The following DOCK4 variants were observed in gnomAD, a reference collection of about 807,000 sequenced individuals.
The protein encoded by DOCK4 is dedicator of cytokinesis protein 4.
DOCK4 carries 97 observed loss-of-function variants against 268.1 expected under a neutral mutation model. The observed-to-expected ratio is 0.36, with a 90% CI of 0.31 to 0.43. DOCK4 has a LOEUF of 0.43. DOCK4 is among the 20% of genes least tolerant of loss of function. DOCK4 has a pLI of 1.00. For synonymous variants in DOCK4, 954 were observed against 887.2 expected, an observed-to-expected ratio of 1.08 and a Z score of -1.34; for missense variants, 2,145 against 2,455.7, an observed-to-expected ratio of 0.87 and a Z score of 2.67.
chr7:112,089,976 T>A (rs1181027339), intron 1 of DOCK4, among the ~76,000 whole-genome samples: 1 of 152,218 alleles, frequency 6.6e-6, no homozygotes, highest in South Asian at 2.1e-4. Flanking sequence ...AAAGCTGGCA[T>A]CAGTTTTTGC....
chr7:111,804,737 T>A (rs1800546941), intron 30 of DOCK4, among the ~76,000 whole-genome samples: 1 of 152,004 alleles, frequency 6.6e-6, no homozygotes, highest in Non-Finnish European at 1.5e-5. Flanking sequence ...GTAGCTAGGA[T>A]TACAGGCATA....
In DOCK4 at chr7:111,994,137, C is replaced by A; in HGVS notation, c.313G>T (p.Val105Leu). The change falls in exon 5 of 53, where the codon GTG (valine) becomes TTG (leucine). Residue 105 changes from valine (V) to leucine (L), a missense_variant and splice_region_variant. Around this residue, in one of 2 missense-constraint regions of DOCK4, gnomAD observed 1,598 missense variants for 1,986.7 expected, o/e 0.80. Coordinates refer to ENST00000428084, the MANE Select transcript of DOCK4 (RefSeq NM_001363540.2). The part of the protein sequence containing the change: ...DWGTMWKQLY[V>L]RNEGDLFHRL... ...GTGTCATTAAAAAGCTACTTAACCACATAGAGTTGTTTCCACATGGTTCCC... is the reference window on the plus strand; with the variant it reads ...GTGTCATTAAAAAGCTACTTAACCAAATAGAGTTGTTTCCACATGGTTCCC... 6.3e-7 allele frequency: 1 copy of A among 1,592,238 alleles called. No individual in the cohort carries two copies.
chr7:112,030,512 A>G (rs1233237705), intron 1 of DOCK4, among the ~76,000 whole-genome samples: 1 of 152,202 alleles, frequency 6.6e-6, no homozygotes. Flanking sequence ...CTTGCCTTTC[A>G]TCTTTTCTAA....
intron 1 of DOCK4, among the ~76,000 whole-genome samples, chr7:112,038,667 G>A (rs951888273): frequency 5.3e-5 from 8 of 152,100 alleles, no homozygotes; most frequent in South Asian, 2.1e-4. Context: ...CAACACCAGC[G>A]GGTCACATTT....
At chr7:111,961,599 T>C (rs1586505706) in intron 8 of DOCK4, among the ~76,000 whole-genome samples, 1 of 152,362 alleles carries the variant, frequency 6.6e-6, no homozygotes, top group Middle Eastern at 3.4e-3. Context: ...TACAAGGTAT[T>C]TTCTCTCACA....
At chr7:112,063,808 T>G (rs1405775020) in intron 1 of DOCK4, among the ~76,000 whole-genome samples, 1 of 152,218 alleles carries the variant, frequency 6.6e-6, no homozygotes, top group African/African-American at 2.4e-5. Flanking sequence ...TTTACAGTGT[T>G]GTCAGGGTAG....
intron 38 of DOCK4, among the ~76,000 whole-genome samples, chr7:111,766,372 T>C (rs961856018): frequency 6.6e-6 from 1 of 152,176 alleles, no homozygotes; most frequent in African/African-American, 2.4e-5. Context: ...CTGATGATCC[T>C]ATTTTAGAAA....
chr7:112,023,031 G>A (rs576949832), intron 1 of DOCK4, among the ~76,000 whole-genome samples: 6 of 152,024 alleles, frequency 3.9e-5, no homozygotes, highest in African/African-American at 7.2e-5. Context: ...GTTTTTCAGC[G>A]ATTCTCCTGC....
At chr7:111,934,174 G>A (rs780319892) in intron 12 of DOCK4, among the ~76,000 whole-genome samples, 2 of 152,136 alleles carry the variant, frequency 1.3e-5, no homozygotes, top group African/African-American at 2.4e-5. Context: ...ACTTTGTTTT[G>A]CTTCAATGTG....
chr7:112,128,157 T>C (rs1165921616), intron 1 of DOCK4, among the ~76,000 whole-genome samples: 1 of 152,264 alleles, frequency 6.6e-6, no homozygotes, highest in African/African-American at 2.4e-5. Flanking sequence ...TAGATTCCAG[T>C]ACTCTCCTTC....
Position 111,741,610 on chromosome 7 carries a change from G to A in DOCK4, c.4849C>T (p.Pro1617Ser). Residue 1617 changes from proline to serine, a missense_variant, in exon 46 of 53, where the codon CCT (proline) becomes TCT (serine). Transcript: ENST00000428084. ...ASPVHFPNGS[P>S]RVCRNSAPAS... The stretch of plus-strand genomic sequence containing the variant: ...GGTGCTGAGTTTCTACACACACGAG[G>A]GCTTCCATTAGGAAAATGGACAGGA... 6.2e-7 allele frequency: 1 copy of A among 1,613,594 alleles called. No homozygotes were observed. The highest frequency in any genetic ancestry group is 2.2e-5 in the East Asian group (1 of 44,866).
At chr7:111,810,182 G>A (rs554890241) in intron 28 of DOCK4, among the ~76,000 whole-genome samples, 1 of 152,202 alleles carries the variant, frequency 6.6e-6, no homozygotes, top group African/African-American at 2.4e-5. Flanking sequence ...GTCCAGGTGC[G>A]GTGGCTCATG....
chr7:112,052,786 C>T lies in DOCK4; in HGVS notation c.38-48655G>A, dbSNP rs73717948. On this transcript the variant is annotated intron_variant, in intron 1 of 52. Transcript: ENST00000428084. ...ATGTCTCTGCATTTATTTCACACTC[C>T]TCTCCAATATCATTATTAAACTCTT... Among the ~76,000 whole-genome samples, 552 of 152,272 alleles carry T rather than the reference C, an allele frequency of 3.6e-3. 1 individual carries two copies. The highest frequency in any genetic ancestry group is 0.013 in the African/African-American group (520 of 41,566).
chr7:111,929,713 T>C (rs1403904343), intron 12 of DOCK4, among the ~76,000 whole-genome samples: 1 of 152,188 alleles, frequency 6.6e-6, no homozygotes, highest in Non-Finnish European at 1.5e-5. Context: ...TCGCTATATA[T>C]TGTGGTCTCC....
chr7:111,811,725 G>C, intron 28 of DOCK4, 149 bp downstream of exon 28: 1 of 601,412 alleles, frequency 1.7e-6, no homozygotes. Context: ...TATGTGAACA[G>C]TCTTCATCTG....
At chr7:112,147,161 A>T (rs1815589078) in intron 1 of DOCK4, among the ~76,000 whole-genome samples, 1 of 152,178 alleles carries the variant, frequency 6.6e-6, no homozygotes, top group African/African-American at 2.4e-5. Context: ...CCTAATTTAG[A>T]TTACCTTCAA....
intron 17 of DOCK4, among the ~76,000 whole-genome samples, chr7:111,876,764 T>TTC (rs1562833739): frequency 6.7e-6 from 1 of 149,136 alleles, no homozygotes. Context: ...TTTTTTTTTT[T>TTC]CAAAGCATCT....
chr7:112,007,209 C>T (rs1800933077), intron 1 of DOCK4, among the ~76,000 whole-genome samples: 1 of 152,144 alleles, frequency 6.6e-6, no homozygotes, highest in South Asian at 2.1e-4. Flanking sequence ...CATAATATTA[C>T]AGCACTTCGT....
intron 35 of DOCK4, among the ~76,000 whole-genome samples, chr7:111,780,287 T>C (rs1285588028): frequency 6.6e-6 from 1 of 152,180 alleles, no homozygotes; most frequent in African/African-American, 2.4e-5. Flanking sequence ...ACCATTATCC[T>C]CCCTCTTTTA....
Sources: gnomAD v4.1 joint callset for allele counts (sites outside exome capture counted in the v4.1 genomes callset) on GRCh38, gnomAD v4.1.1 for gene constraint, gnomAD v4.1.1 regional missense constraint, MANE v1.5 for transcripts, NCBI Gene and HGNC (gene_info 2026-07-23, HGNC 2026-07-21) for gene names.